Variants in PCDHGB3 observed in about 807,000 individuals in gnomAD.
PCDHGB3 encodes protocadherin gamma subfamily B, 3, also known as protocadherin gamma-B3.
Under a neutral mutation model 59.2 loss-of-function variants are expected in PCDHGB3, and 40 were observed. The observed-to-expected ratio is 0.68, with a 90% confidence interval of 0.52 to 0.88. The LOEUF is 0.88. Ranked by LOEUF, PCDHGB3 falls within the 40% of genes least tolerant of loss-of-function variation. The probability of loss-of-function intolerance (pLI) is 0.00; values close to 1 mark genes in which losing one functional copy is unlikely to be tolerated. For synonymous variants in PCDHGB3, 581 were observed against 503.6 expected (o/e 1.15, Z -2.06); for missense variants, 1,309 against 1,187.9 (o/e 1.10, Z -1.50).
chr5:141,446,639 G>T (rs1461520959), intron 1 of PCDHGB3, among the ~76,000 whole-genome samples: 7 of 152,116 alleles, frequency 4.6e-5, no homozygotes, highest in Non-Finnish European at 8.8e-5. Flanking sequence ...ACCACGCCTG[G>T]CTAATTTTTG....
chr5:141,371,317 A>G lies in PCDHGB3; in HGVS notation c.923A>G (p.Asp308Gly). 1.9e-6 allele frequency: 3 copies of G among 1,613,996 alleles called. No individual in the cohort carries two copies. Among genetic ancestry groups the G allele is most frequent in the East Asian group, 2.2e-5 (1 of 44,884 alleles). ...TGELTTIGELDFEERDSYTIG... is the reference protein window; with the variant it reads ...TGELTTIGELGFEERDSYTIG... Reference sequence around the variant, plus strand: ...GAACTCACCACTATTGGAGAACTGGACTTTGAAGAGAGAGATAGCTACACA... The same window carrying G: ...GAACTCACCACTATTGGAGAACTGGGCTTTGAAGAGAGAGATAGCTACACA... Residue 308 changes from aspartate (D) to glycine (G), a missense_variant, in exon 1 of 4, where the codon GAC (aspartate) becomes GGC (glycine). By Grantham distance (94) the Asp-to-Gly change is moderately conservative (BLOSUM62 -1). Transcript: ENST00000576222.
At chr5:141,478,618 G>A (rs1374855853) in intron 1 of PCDHGB3, 1 of 1,556,056 alleles carries the variant, frequency 6.4e-7, no homozygotes, top group Non-Finnish European at 8.7e-7. Flanking sequence ...GGAAGGAATG[G>A]AGCTGTTTTT....
chr5:141,376,100 G>A (rs772318189), intron 1 of PCDHGB3: 1 of 1,613,750 alleles, frequency 6.2e-7, no homozygotes, highest in Non-Finnish European at 8.5e-7. Flanking sequence ...CGACATCCTG[G>A]CCGACCTGGG....
chr5:141,446,289 G>T (rs1333286399), intron 1 of PCDHGB3, among the ~76,000 whole-genome samples: 1 of 152,112 alleles, frequency 6.6e-6, no homozygotes, highest in Non-Finnish European at 1.5e-5. Flanking sequence ...GATAAATGGG[G>T]AGCAGGGATT....
At chr5:141,381,556 T>G (rs1777268817) in intron 1 of PCDHGB3, among the ~76,000 whole-genome samples, 1 of 152,200 alleles carries the variant, frequency 6.6e-6, no homozygotes, top group Admixed American at 6.5e-5. Context: ...TGAATTGAAT[T>G]GCATAATGAA....
At chr5:141,413,020 C>T in intron 1 of PCDHGB3, 1 of 693,768 alleles carries the variant, frequency 1.4e-6, no homozygotes, top group Non-Finnish European at 2.3e-6. Context: ...CTACACAAGC[C>T]CCACAAACCG....
chr5:141,424,956 T>C (rs1435882776), intron 1 of PCDHGB3, among the ~76,000 whole-genome samples: 3 of 152,176 alleles, frequency 2.0e-5, no homozygotes, highest in African/African-American at 7.2e-5. Context: ...TTCTAGGTAT[T>C]TGCCCCAAAT....
At chr5:141,504,182 C>A (rs2099836345) in intron 2 of PCDHGB3, among the ~76,000 whole-genome samples, 1 of 152,234 alleles carries the variant, frequency 6.6e-6, no homozygotes, top group Non-Finnish European at 1.5e-5. Context: ...TCAAAAAAAT[C>A]ATGAAAATTG....
chr5:141,419,870 G>C, intron 1 of PCDHGB3: 1 of 1,614,054 alleles, frequency 6.2e-7, no homozygotes, highest in Non-Finnish European at 8.5e-7. Context: ...CTTGCAAGAG[G>C]TACTGCCGGA....
chr5:141,400,636 G>T (rs1478195116), intron 1 of PCDHGB3: 4 of 1,325,644 alleles, frequency 3.0e-6, no homozygotes, highest in Non-Finnish European at 4.2e-6. Context: ...AGTCAGAGCT[G>T]CTCAGAAAGC....
intron 3 of PCDHGB3, among the ~76,000 whole-genome samples, chr5:141,507,518 A>T (rs1323767789): frequency 6.6e-6 from 1 of 152,132 alleles, no homozygotes; most frequent in African/African-American, 2.4e-5. Flanking sequence ...TGGGGCTATG[A>T]TTCCAGAGAG....
At chr5:141,448,926 C>T (rs528128105) in intron 1 of PCDHGB3, among the ~76,000 whole-genome samples, 5 of 152,256 alleles carry the variant, frequency 3.3e-5, no homozygotes, top group African/African-American at 9.6e-5. Context: ...GCCTGGGCGA[C>T]AGAGCAAGAC....
At chr5:141,406,431 T>G (rs1316370664) in intron 1 of PCDHGB3, among the ~76,000 whole-genome samples, 3 of 152,352 alleles carry the variant, frequency 2.0e-5, no homozygotes, top group Non-Finnish European at 4.4e-5. Context: ...ATTTATTGCT[T>G]CTATTCTTCC....
chr5:141,476,699 G>C lies in PCDHGB3; in HGVS notation c.2416-18108G>C. 1 of 1,614,222 alleles carries C rather than the reference G, an allele frequency of 6.2e-7. No individual in the cohort carries two copies. The highest frequency in any genetic ancestry group is 8.5e-7 in the Non-Finnish European group (1 of 1,180,042). ...GCGGGAGGACAGCACCAAGTACGCG[G>C]AGCTGGTGTTGGAGCGCGCCCTGGA... is the stretch of plus-strand genomic sequence containing the variant. On this transcript the variant is annotated intron_variant, in intron 1 of 3. Transcript: ENST00000576222. The surrounding 1 kb of genome is among the most constrained non-coding windows in gnomAD (Gnocchi z 7.6).
chr5:141,421,817 T>A (rs375019903), intron 1 of PCDHGB3: 34 of 1,613,662 alleles, frequency 2.1e-5, no homozygotes, highest in Non-Finnish European at 2.8e-5. Context: ...GAGCTAGTAC[T>A]GGAGGGAAGC....
intron 1 of PCDHGB3, chr5:141,439,998 G>A (rs2098143949): frequency 6.5e-6 from 1 of 153,152 alleles, no homozygotes; most frequent in Non-Finnish European, 1.5e-5. Context: ...TTGGTGGTGG[G>A]AAACCTTGCC....
chr5:141,375,013 G>C, intron 1 of PCDHGB3: 2 of 1,614,004 alleles, frequency 1.2e-6, no homozygotes, highest in Non-Finnish European at 1.7e-6. Flanking sequence ...TAGACTATGA[G>C]GACTCGAGTT....
chr5:141,464,519 A>G (rs974292961), intron 1 of PCDHGB3, among the ~76,000 whole-genome samples: 21 of 152,058 alleles, frequency 1.4e-4, no homozygotes, highest in African/African-American at 4.1e-4. Context: ...AGGTAAAGGC[A>G]TATGTAGTTT....
At position 141,389,943 on chromosome 5, in the gene PCDHGB3, CAGTTTT is replaced by C. The variant is rs777429461; in HGVS notation, c.2415+17136_2415+17141del. The C allele has an allele frequency of 2.5e-6, 4 of 1,613,956 alleles. No homozygotes were observed. In the African/African-American group the frequency reaches 5.3e-5, roughly 22 times the overall value. On this transcript the variant is annotated intron_variant, in intron 1 of 3. Transcript: ENST00000576222. The stretch of plus-strand genomic sequence containing the variant: ...CCCCTCTGACCTCCAGGCTGAGCTG[CAGTTTT>C]ACCTAGTGGTGGCCTTGGCCTTGAT...
Sources: allele counts gnomAD v4.1 joint callset (sites outside exome capture counted in the v4.1 genomes callset), GRCh38; gene constraint gnomAD v4.1.1; non-coding constraint Gnocchi (gnomAD v3.1); transcripts MANE v1.5; gene names NCBI Gene and HGNC (gene_info 2026-07-23, HGNC 2026-07-21).